ZZEF1: variants seen among roughly 807,000 people sequenced by gnomAD.
ZZEF1 encodes the protein zinc finger ZZ-type and EF-hand domain-containing protein 1.
In ZZEF1, 157 loss-of-function variants were observed where a neutral mutation model predicts 342.8. The ratio of observed to expected loss-of-function variants is 0.46; its 90% CI spans 0.40 to 0.52. The LOEUF is 0.52. Among genes scored for constraint, ZZEF1 ranks in the 20% least tolerant of loss-of-function variants. ZZEF1 has a pLI of 0.00. For synonymous variants in ZZEF1, 1,505 were observed against 1,429.1 expected, an observed-to-expected ratio of 1.05 and a Z score of -1.20; for missense variants, 3,480 against 3,725.6, an observed-to-expected ratio of 0.93 and a Z score of 1.72.
At chr17:4,082,287 C>T (rs145735261) in intron 17 of ZZEF1, 150 bp downstream of exon 17, 19 of 655,398 alleles carry the variant, frequency 2.9e-5, no homozygotes, top group South Asian at 2.1e-4. Flanking sequence ...TATTATTTTA[C>T]CACTATTTGG....
At chr17:4,054,557 T>C (rs189746797) in intron 33 of ZZEF1, among the ~76,000 whole-genome samples, 12 of 152,048 alleles carry the variant, frequency 7.9e-5, no homozygotes, top group African/African-American at 2.4e-4. Context: ...GCATGTCAGA[T>C]AGAAATAGCA....
Position 4,032,832 on chromosome 17 carries a change from G to T in ZZEF1, c.6755C>A (p.Pro2252His). The change falls in exon 41 of 55, where the codon CCC becomes CAC. Residue 2252 changes from proline to histidine, a missense_variant. Transcript: ENST00000381638. Reference protein sequence around the residue: ...IFTLLVLVGFPQVLCVGTRCV... With the variant: ...IFTLLVLVGFHQVLCVGTRCV... Reference sequence around the variant, plus strand: ...CAGGCCTTCAGAGTGTGGTACCTGGGGGAAGCCAACCAGCACGAGCAGGGT... The same window carrying T: ...CAGGCCTTCAGAGTGTGGTACCTGGTGGAAGCCAACCAGCACGAGCAGGGT... 1 of 1,613,960 alleles carries T rather than the reference G, an allele frequency of 6.2e-7. No individual in the cohort carries two copies. The highest frequency in any genetic ancestry group is 8.5e-7 in the Non-Finnish European group (1 of 1,179,854).
intron 26 of ZZEF1, among the ~76,000 whole-genome samples, chr17:4,069,503 G>A (rs2057467683): frequency 6.6e-6 from 1 of 152,150 alleles, no homozygotes; most frequent in Non-Finnish European, 1.5e-5. Context: ...CCAAAGAAAT[G>A]AGCAATAAAG....
intron 34 of ZZEF1, among the ~76,000 whole-genome samples, chr17:4,052,397 T>C (rs2057068869): frequency 6.6e-6 from 1 of 152,174 alleles, no homozygotes; most frequent in Admixed American, 6.5e-5. Flanking sequence ...TGGAAACAAG[T>C]CCACATGTTA....
intron 42 of ZZEF1, among the ~76,000 whole-genome samples, chr17:4,027,917 T>G (rs2056453926): frequency 6.6e-6 from 1 of 152,206 alleles, no homozygotes; most frequent in Non-Finnish European, 1.5e-5. Flanking sequence ...TATCCTCCAG[T>G]CATCTTCCCA....
chr17:4,041,984 A>G (rs1006149), intron 39 of ZZEF1, among the ~76,000 whole-genome samples: 27,420 of 150,874 alleles, frequency 0.18, 2,581 homozygotes, highest in Middle Eastern at 0.24. Flanking sequence ...AACTGTAAGC[A>G]TAATAATGAC....
At chr17:4,067,043 C>T (rs1328652187) in intron 27 of ZZEF1, 120 bp downstream of exon 27, 2 of 804,444 alleles carry the variant, frequency 2.5e-6, no homozygotes, top group Non-Finnish European at 3.9e-6. Flanking sequence ...TGTCACTAAA[C>T]TTTAGCTTAA....
chr17:4,057,837 A>G (rs2057197992), intron 32 of ZZEF1, among the ~76,000 whole-genome samples, 157 bp downstream of exon 32: 1 of 152,208 alleles, frequency 6.6e-6, no homozygotes, highest in African/African-American at 2.4e-5. Flanking sequence ...CAGAGGGATT[A>G]TAAGACTTGC....
chr17:4,102,754 A>G (rs1334319009), intron 8 of ZZEF1, among the ~76,000 whole-genome samples: 1 of 152,228 alleles, frequency 6.6e-6, no homozygotes, highest in Non-Finnish European at 1.5e-5. Context: ...TTTTGGAGCC[A>G]ATAATTAACT....
At chr17:4,022,461 T>C (rs953383148) in intron 44 of ZZEF1, 2 of 434,302 alleles carry the variant, frequency 4.6e-6, no homozygotes, top group South Asian at 3.5e-5. Context: ...TGGTTAATCA[T>C]GTGTTTCCAT....
At chr17:4,139,788 G>A (rs998342360) in intron 1 of ZZEF1, among the ~76,000 whole-genome samples, 3 of 152,188 alleles carry the variant, frequency 2.0e-5, no homozygotes, top group African/African-American at 7.2e-5. Context: ...CTAGCTATGT[G>A]AATCAAAGAC....
At position 4,017,381 on chromosome 17, in the gene ZZEF1, T is replaced by C. The variant is rs376672889; in HGVS notation, c.7991A>G (p.Glu2664Gly). 1.3e-6 allele frequency: 2 copies of C among 1,596,180 alleles called. No individual in the cohort carries two copies. The highest frequency in any genetic ancestry group is 4.5e-5 in the East Asian group (2 of 44,464). ...DMFMQLEEKH[E>G]WEKILQKVLQ... ...AGTCTGCATAACTACCTTCTCCCACTCATGCTTTTCTTCCAGCTGCATGAA... is the reference window on the plus strand; with the variant it reads ...AGTCTGCATAACTACCTTCTCCCACCCATGCTTTTCTTCCAGCTGCATGAA... Residue 2664 changes from glutamate (E) to glycine (G), a missense_variant, in exon 48 of 55, where the codon GAG becomes GGG. Transcript: ENST00000381638. This position sits in a 1 kb window ranked among gnomAD's most constrained non-coding sequence, Gnocchi z 5.1.
chr17:4,097,233 C>G (rs2058051485), intron 9 of ZZEF1, among the ~76,000 whole-genome samples: 1 of 142,172 alleles, frequency 7.0e-6, no homozygotes, highest in South Asian at 2.3e-4. Flanking sequence ...GCCTGGGCAA[C>G]AGAGTGAAAC....
At chr17:4,070,636 CTTAGCAA>C (rs756505966) in intron 26 of ZZEF1, 41 bp downstream of exon 26, 1 of 1,586,144 alleles carries the variant, frequency 6.3e-7, no homozygotes, top group Admixed American at 1.8e-5. Flanking sequence ...TTTCTTAAAA[CTTAGCAA>C]TTAGCCTTCA....
At chr17:4,097,267 A>G (rs2058052842) in intron 9 of ZZEF1, among the ~76,000 whole-genome samples, 1 of 151,646 alleles carries the variant, frequency 6.6e-6, no homozygotes, top group African/African-American at 2.4e-5. Context: ...AAAAAAAGAA[A>G]AAGAAAAAGA....
intron 1 of ZZEF1, among the ~76,000 whole-genome samples, chr17:4,135,061 G>A (rs1396773586): frequency 6.6e-6 from 1 of 152,148 alleles, no homozygotes; most frequent in Non-Finnish European, 1.5e-5. Flanking sequence ...CCAGGATGAA[G>A]AGCTCAGATA....
intron 1 of ZZEF1, among the ~76,000 whole-genome samples, chr17:4,139,747 T>C (rs945479384): frequency 6.6e-6 from 1 of 152,366 alleles, no homozygotes; most frequent in South Asian, 2.1e-4. Flanking sequence ...TTTTAAACCT[T>C]GGCTAAGCCT....
chr17:4,100,676 A>C (rs2145430887), intron 9 of ZZEF1, among the ~76,000 whole-genome samples: 1 of 152,240 alleles, frequency 6.6e-6, no homozygotes, highest in Non-Finnish European at 1.5e-5. Flanking sequence ...TCTACTAAAA[A>C]TACAAGAAAT....
intron 16 of ZZEF1, among the ~76,000 whole-genome samples, chr17:4,083,088 T>C (rs2057754299): frequency 6.6e-6 from 1 of 152,192 alleles, no homozygotes; most frequent in Admixed American, 6.5e-5. Flanking sequence ...TAATATACTT[T>C]TTGCCATTGG....
Sources: allele counts gnomAD v4.1 joint callset (sites outside exome capture counted in the v4.1 genomes callset), GRCh38; gene constraint gnomAD v4.1.1; non-coding constraint Gnocchi (gnomAD v3.1); transcripts MANE v1.5; gene names NCBI Gene and HGNC (gene_info 2026-07-23, HGNC 2026-07-21).